IMMP1L: variants seen among roughly 807,000 people sequenced by gnomAD.
IMMP1L encodes the protein inner mitochondrial membrane peptidase subunit 1.
IMMP1L carries 24 observed loss-of-function variants against 21.8 expected under a neutral mutation model. The observed-to-expected ratio is 1.10, with a 90% CI of 0.80 to 1.55. IMMP1L has a LOEUF of 1.55. Ranked by LOEUF, IMMP1L falls within the 40% of genes most tolerant of loss-of-function variation. IMMP1L has a pLI of 0.00. For missense variants in IMMP1L, 195 were observed against 200.7 expected (o/e 0.97, Z 0.17); for synonymous variants, 46 against 62.8 (o/e 0.73, Z 1.26).
At chr11:31,443,881 G>GAT (rs1953423677) in intron 4 of IMMP1L, among the ~76,000 whole-genome samples, 1 of 152,090 alleles carries the variant, frequency 6.6e-6, no homozygotes, top group African/African-American at 2.4e-5. Context: ...TTGAGTAAGG[G>GAT]GTATGCTTTT....
rs185675155 is a variant in IMMP1L at position 31,468,785 on chromosome 11, C to T, written c.-29-5480G>A. 5.1e-3 allele frequency among the ~76,000 whole-genome samples: 769 copies of T among 152,174 alleles called. 2 individuals are homozygous for T. Among genetic ancestry groups the T allele is most frequent in the Middle Eastern group, 0.014 (4 of 294 alleles). Reference sequence around the variant, plus strand: ...AATATAGTAAAGTGATAGAGAATAACGGGTGAGGCATACTTTCTTTAAGAT... The same window carrying T: ...AATATAGTAAAGTGATAGAGAATAATGGGTGAGGCATACTTTCTTTAAGAT... On this transcript the variant is annotated intron_variant, in intron 1 of 5. Coordinates refer to ENST00000532287, the MANE Select transcript of IMMP1L (RefSeq NM_001304274.2).
At chr11:31,469,282 C>G (rs1282602026) in intron 1 of IMMP1L, among the ~76,000 whole-genome samples, 1 of 150,810 alleles carries the variant, frequency 6.6e-6, no homozygotes, top group Non-Finnish European at 1.5e-5. Flanking sequence ...AAGTACAAAA[C>G]AGAAAGAGAG....
At chr11:31,464,534 C>T (rs895916696) in intron 1 of IMMP1L, among the ~76,000 whole-genome samples, 1 of 152,116 alleles carries the variant, frequency 6.6e-6, no homozygotes, top group Admixed American at 6.6e-5. Context: ...TGCAACAATC[C>T]TTAACAAAAT....
At chr11:31,436,155 G>A (rs1249182159) in intron 4 of IMMP1L, among the ~76,000 whole-genome samples, 9 of 151,842 alleles carry the variant, frequency 5.9e-5, no homozygotes, top group Admixed American at 5.9e-4. Context: ...TACATTTATT[G>A]CAAACATTTT....
intron 1 of IMMP1L, among the ~76,000 whole-genome samples, chr11:31,504,313 C>A (rs777031991): frequency 1.3e-5 from 2 of 152,062 alleles, no homozygotes; most frequent in Non-Finnish European, 2.9e-5. Context: ...TATTTGGAAA[C>A]GAACTCTTAT....
chr11:31,507,629 A>G (rs748383714), intron 1 of IMMP1L, among the ~76,000 whole-genome samples: 7 of 152,186 alleles, frequency 4.6e-5, no homozygotes, highest in Non-Finnish European at 8.8e-5. Context: ...CATCGCACAG[A>G]GAGTACAATG....
rs1487200488 is a variant in IMMP1L, at chr11:31,461,106, G to C, written c.106-392C>G. 2.6e-5 allele frequency among the ~76,000 whole-genome samples: 4 copies of C among 152,194 alleles called. No individual in the cohort carries two copies. In the East Asian group the frequency reaches 5.8e-4, roughly 22 times the overall value. ...ACCATACATATTGGTTGAATGAATG[G>C]GAGAATAATACATTTTCTTATTACT... On this transcript the variant is annotated intron_variant, in intron 2 of 5. Coordinates refer to ENST00000532287, the MANE Select transcript of IMMP1L (RefSeq NM_001304274.2).
At chr11:31,442,397 A>T (rs1425140078) in intron 4 of IMMP1L, among the ~76,000 whole-genome samples, 1 of 152,200 alleles carries the variant, frequency 6.6e-6, no homozygotes, top group African/African-American at 2.4e-5. Flanking sequence ...GTGAAATCTG[A>T]TGAAACAGTC....
chr11:31,452,504 C>T, intron 4 of IMMP1L: 1 of 985,378 alleles, frequency 1.0e-6, no homozygotes, highest in Non-Finnish European at 1.2e-6. Context: ...CTACATGCTC[C>T]TACTTCCAAC....
At chr11:31,474,290 C>G (rs894363335) in intron 1 of IMMP1L, among the ~76,000 whole-genome samples, 5 of 152,084 alleles carry the variant, frequency 3.3e-5, no homozygotes, top group African/African-American at 1.2e-4. Context: ...AACAAAGACT[C>G]ATTATGCTGA....
At position 31,505,256 on chromosome 11, in the gene IMMP1L, AT is replaced by A. The variant is rs1368457954; in HGVS notation, c.-30+4262del. ...TTTACAACAGTCAATCAAGGAAGTT[AT>A]GGGAAACATTGTGGACATGGAAAAA... On this transcript the variant is annotated intron_variant, in intron 1 of 5. Coordinates refer to ENST00000532287, the MANE Select transcript of IMMP1L (RefSeq NM_001304274.2). Among the ~76,000 whole-genome samples the A allele has an allele frequency of 5.3e-5, 8 of 151,992 alleles. No individual in the cohort carries two copies. The East Asian group carries it at 1.6e-3, about 30-fold the overall frequency.
intron 4 of IMMP1L, among the ~76,000 whole-genome samples, chr11:31,450,518 T>C (rs867306976): frequency 6.6e-6 from 1 of 152,174 alleles, no homozygotes; most frequent in African/African-American, 2.4e-5. Context: ...AGAAGTCACT[T>C]AGGAAAAGAA....
intron 4 of IMMP1L, among the ~76,000 whole-genome samples, chr11:31,435,258 A>G (rs1283506867): frequency 6.6e-6 from 1 of 152,180 alleles, no homozygotes; most frequent in Non-Finnish European, 1.5e-5. Context: ...TGGTTTCTAC[A>G]TTCCATCTCT....
At chr11:31,483,729 G>A (rs534230365) in intron 1 of IMMP1L, among the ~76,000 whole-genome samples, 7 of 151,930 alleles carry the variant, frequency 4.6e-5, no homozygotes, top group East Asian at 1.9e-4. Context: ...TTTCATAAGC[G>A]TTAGTTTGTT....
chr11:31,497,788 G>C (rs1955503123), intron 1 of IMMP1L, among the ~76,000 whole-genome samples: 1 of 152,138 alleles, frequency 6.6e-6, no homozygotes, highest in Non-Finnish European at 1.5e-5. Flanking sequence ...AAAAGTTTTA[G>C]AAATAGTGGC....
In IMMP1L at chr11:31,463,166, A is replaced by C. The variant is rs1255531240; in HGVS notation, c.105+6T>G. ...AAGATGAATATTCTTGAACATAAAA[A>C]CTTACCATGACAACACCACCAACGT... is the stretch of plus-strand genomic sequence containing the variant. On this transcript the variant is annotated splice_donor_region_variant and intron_variant, in intron 2 of 5. Coordinates refer to ENST00000532287, the MANE Select transcript of IMMP1L (RefSeq NM_001304274.2). 22 of 1,593,826 alleles carry C rather than the reference A, an allele frequency of 1.4e-5. No homozygotes were observed. Among genetic ancestry groups the C allele is most frequent in the Non-Finnish European group, 1.9e-5 (22 of 1,171,744 alleles).
At chr11:31,453,146 T>C (rs1454408486) in intron 4 of IMMP1L, 2 of 1,274,402 alleles carry the variant, frequency 1.6e-6, no homozygotes. Flanking sequence ...TGTGGTCTTT[T>C]AAAACTCTGG....
At chr11:31,489,986 A>G (rs1955202355) in intron 1 of IMMP1L, among the ~76,000 whole-genome samples, 1 of 152,198 alleles carries the variant, frequency 6.6e-6, no homozygotes, top group Admixed American at 6.5e-5. Flanking sequence ...ATCTTGAAAC[A>G]CGCAAAAATT....
At chr11:31,471,314 C>A (rs972922497) in intron 1 of IMMP1L, among the ~76,000 whole-genome samples, 1 of 152,056 alleles carries the variant, frequency 6.6e-6, no homozygotes, top group Non-Finnish European at 1.5e-5. Flanking sequence ...GGTGTTAACC[C>A]GAGGATCTTT....
Sources: allele counts gnomAD v4.1 joint callset (sites outside exome capture counted in the v4.1 genomes callset), GRCh38; gene constraint gnomAD v4.1.1; transcripts MANE v1.5; gene names NCBI Gene and HGNC (gene_info 2026-07-23, HGNC 2026-07-21).